CLCN5: variants seen among roughly 807,000 people sequenced by gnomAD.
CLCN5 encodes the protein H(+)/Cl(-) exchange transporter 5.
A neutral mutation model predicts 54.0 loss-of-function variants in CLCN5; 17 were observed. The observed-to-expected ratio is 0.31, with a 90% confidence interval of 0.22 to 0.47. The LOEUF (loss-of-function observed/expected upper bound fraction) is 0.47. Among genes scored for constraint, CLCN5 ranks in the 20% least tolerant of loss-of-function variants. CLCN5 has a pLI of 1.00. For synonymous variants in CLCN5, 222 were observed against 233.0 expected, an observed-to-expected ratio of 0.95 and a Z score of 0.43; for missense variants, 448 against 646.7, an observed-to-expected ratio of 0.69 and a Z score of 3.33.
At chrX:49,991,404 A>G (rs782479186) in intron 3 of CLCN5, among the ~76,000 whole-genome samples, 3 of 111,025 alleles carry the variant, frequency 2.7e-5, no homozygotes, top group Non-Finnish European at 3.8e-5. Flanking sequence ...GGGGATTATT[A>G]TTTTTTCTTG....
At chrX:49,961,857 C>T (rs1339251829) in intron 3 of CLCN5, among the ~76,000 whole-genome samples, 2 of 111,842 alleles carry the variant, frequency 1.8e-5, no homozygotes, top group East Asian at 5.6e-4. Context: ...TCATTTCTTC[C>T]TGCTCTTTGT....
intron 3 of CLCN5, among the ~76,000 whole-genome samples, chrX:49,979,604 AAT>A (rs1490674295): frequency 9.0e-6 from 1 of 111,640 alleles, no homozygotes; most frequent in African/African-American, 3.3e-5. Flanking sequence ...ATTTTCCTCC[AAT>A]ATTAGGTAAA....
At chrX:50,027,209 T>G (rs1202227855) in intron 3 of CLCN5, among the ~76,000 whole-genome samples, 2 of 109,924 alleles carry the variant, frequency 1.8e-5, no homozygotes, top group African/African-American at 6.6e-5. Flanking sequence ...AGAGATGGGA[T>G]TTCACCATGT....
intron 14 of CLCN5, among the ~76,000 whole-genome samples, chrX:50,091,835 C>T (rs7887050): frequency 8.9e-6 from 1 of 112,178 alleles, no homozygotes; most frequent in African/African-American, 3.2e-5. Flanking sequence ...GGAATAGGGG[C>T]GTTTGAACTG....
intron 3 of CLCN5, among the ~76,000 whole-genome samples, chrX:49,962,414 C>T (rs1258628714): frequency 9.0e-6 from 1 of 111,684 alleles, no homozygotes; most frequent in East Asian, 2.8e-4. Flanking sequence ...CTTGGCTCTT[C>T]CCATGTATTA....
intron 3 of CLCN5, chrX:50,013,144 A>G (rs1930594403): frequency 1.6e-5 from 4 of 246,843 alleles, no homozygotes. Flanking sequence ...CTCTCTCTCA[A>G]TCAATCAATC....
At chrX:49,930,306 C>A (rs1430836173) in intron 3 of CLCN5, among the ~76,000 whole-genome samples, 1 of 111,801 alleles carries the variant, frequency 8.9e-6, no homozygotes, top group Non-Finnish European at 1.9e-5. Flanking sequence ...TTATTAAAAG[C>A]TTTAAAAAAT....
At chrX:50,012,508 C>T (rs1459014203) in intron 3 of CLCN5, among the ~76,000 whole-genome samples, 4 of 112,253 alleles carry the variant, frequency 3.6e-5, no homozygotes, top group African/African-American at 6.5e-5. Context: ...TGAAGATGCT[C>T]GAGCCTTCTA....
At chrX:50,072,661 G>A in intron 6 of CLCN5, 73 bp downstream of exon 6, 1 of 762,791 alleles carries the variant, frequency 1.3e-6, no homozygotes, top group Middle Eastern at 2.8e-4. Flanking sequence ...GTCCTGAGCT[G>A]AGTCACGTAC....
intron 3 of CLCN5, among the ~76,000 whole-genome samples, chrX:49,974,125 A>T (rs1470151044): frequency 8.9e-6 from 1 of 112,145 alleles, no homozygotes; most frequent in Non-Finnish European, 1.9e-5. Context: ...ATGGATAGAC[A>T]GCATTTTGTT....
intron 3 of CLCN5, among the ~76,000 whole-genome samples, chrX:49,963,421 A>G (rs1466460255): frequency 1.8e-5 from 2 of 111,203 alleles, no homozygotes; most frequent in Non-Finnish European, 1.9e-5. Flanking sequence ...TATGCTGAAA[A>G]ACCCCAATCC....
chrX:50,038,108 G>A (rs971655078), intron 3 of CLCN5, among the ~76,000 whole-genome samples: 6 of 111,837 alleles, frequency 5.4e-5, no homozygotes, highest in Non-Finnish European at 9.4e-5. Context: ...GAACATAGAA[G>A]CCAGCTTGAA....
chrX:49,969,356 G>C (rs782300437), intron 3 of CLCN5, among the ~76,000 whole-genome samples: 37 of 112,462 alleles, frequency 3.3e-4, no homozygotes, highest in Non-Finnish European at 5.4e-4. Context: ...AGGATTACAG[G>C]CATGAGCCCC....
chrX:50,009,675 A>G (rs1329152084), intron 3 of CLCN5: 1 of 382,249 alleles, frequency 2.6e-6, no homozygotes, highest in Non-Finnish European at 5.2e-6. Flanking sequence ...AGTCAAATAT[A>G]TATGGAGATA....
chrX:49,928,389 C>T (rs782813011), intron 3 of CLCN5, among the ~76,000 whole-genome samples: 1 of 111,996 alleles, frequency 8.9e-6, no homozygotes, highest in East Asian at 2.8e-4. Flanking sequence ...ATAGTAAATG[C>T]CATATAAGTG....
At chrX:49,979,952 G>C (rs948740974) in intron 3 of CLCN5, among the ~76,000 whole-genome samples, 16 of 110,986 alleles carry the variant, frequency 1.4e-4, no homozygotes, top group African/African-American at 4.9e-4. Flanking sequence ...TGCCTTGCTG[G>C]CTTTACCTTA....
At chrX:50,081,974 G>A (rs955123934) in intron 9 of CLCN5, 127 bp downstream of exon 9, 5 of 592,677 alleles carry the variant, frequency 8.4e-6, no homozygotes, top group Admixed American at 5.5e-5. Context: ...AATTCCACTT[G>A]TAGGAATTTA....
chrX:50,077,812 C>CAAAAAAAAAAAAAAAA (rs35768604), intron 7 of CLCN5, among the ~76,000 whole-genome samples: 1 of 22,332 alleles, frequency 4.5e-5, no homozygotes, highest in Non-Finnish European at 6.8e-5. Context: ...CCTGTCTCTA[C>CAAAAAAAAAAAAAAAA]AAAAAAAAAA....
At chrX:50,029,804 A>G (rs1360774132) in intron 3 of CLCN5, among the ~76,000 whole-genome samples, 3 of 112,223 alleles carry the variant, frequency 2.7e-5, no homozygotes, top group Admixed American at 9.4e-5. Flanking sequence ...AAAGTAGTTC[A>G]ACCGTTGTGG....
Sources: allele counts gnomAD v4.1 joint callset (sites outside exome capture counted in the v4.1 genomes callset), GRCh38; gene constraint gnomAD v4.1.1; transcripts MANE v1.5; gene names NCBI Gene and HGNC (gene_info 2026-07-23, HGNC 2026-07-21).